BABAM2: variants seen among roughly 807,000 people sequenced by gnomAD.
BABAM2 encodes BRISC and BRCA1 A complex member 2.
In BABAM2, 31 loss-of-function variants were observed where a neutral mutation model predicts 54.7. The ratio of observed to expected loss-of-function variants is 0.57; its 90% CI spans 0.43 to 0.77. BABAM2 has a LOEUF of 0.77. Ranked by LOEUF, BABAM2 falls within the 30% of genes least tolerant of loss-of-function variation. BABAM2 has a pLI of 0.00. For synonymous variants in BABAM2, 167 were observed against 162.9 expected, an observed-to-expected ratio of 1.03 and a Z score of -0.19; for missense variants, 364 against 455.8, an observed-to-expected ratio of 0.80 and a Z score of 1.83.
At position 27,928,915 on chromosome 2, in the gene BABAM2, TA is replaced by T. The variant is rs1008932898; in HGVS notation, c.129-904del. On this transcript the variant is annotated intron_variant, in intron 2 of 11. Transcript: ENST00000379624. ...TGTATAACTTTGTGAAATAATAGATTAAAAAAAAAAAAACCAGGCCAGGTGC... is the reference window on the plus strand; with the variant it reads ...TGTATAACTTTGTGAAATAATAGATTAAAAAAAAAAAACCAGGCCAGGTGC... Among the ~76,000 whole-genome samples the T allele has an allele frequency of 4.4e-3, 623 of 141,024 alleles. 6 individuals are homozygous for T. The Middle Eastern group carries it at 0.055, about 12-fold the overall frequency. 92.5% of individuals were successfully genotyped at this position (141,024 alleles called of 152,430 possible).
At chr2:28,188,405 T>C (rs1676550605) in intron 7 of BABAM2, among the ~76,000 whole-genome samples, 1 of 152,068 alleles carries the variant, frequency 6.6e-6, no homozygotes, top group Admixed American at 6.6e-5. Context: ...TGAAAACAAG[T>C]TGGTTATATT....
chr2:27,906,538 C>T (rs568703948), intron 2 of BABAM2, among the ~76,000 whole-genome samples: 24 of 152,078 alleles, frequency 1.6e-4, no homozygotes, highest in Admixed American at 8.5e-4. Flanking sequence ...TGGCCTTAAC[C>T]CAATGAAGTC....
chr2:28,208,544 T>A (rs1443276091), intron 7 of BABAM2, among the ~76,000 whole-genome samples: 3 of 152,230 alleles, frequency 2.0e-5, no homozygotes, highest in African/African-American at 7.2e-5. Flanking sequence ...CTTCCTTTAT[T>A]GTACCTTTCC....
intron 4 of BABAM2, among the ~76,000 whole-genome samples, chr2:27,994,461 G>A (rs1369360537): frequency 6.6e-6 from 1 of 152,082 alleles, no homozygotes. Flanking sequence ...CCTCACTCAT[G>A]TCCTGTTCCA....
intron 3 of BABAM2, among the ~76,000 whole-genome samples, chr2:27,987,081 C>G (rs1344510873): frequency 6.6e-6 from 1 of 152,138 alleles, no homozygotes; most frequent in Non-Finnish European, 1.5e-5. Flanking sequence ...ATATGCTGGA[C>G]ACTGCTAGGC....
At chr2:27,926,605 A>G (rs1016656618) in intron 2 of BABAM2, among the ~76,000 whole-genome samples, 10 of 152,224 alleles carry the variant, frequency 6.6e-5, no homozygotes, top group African/African-American at 2.4e-4. Flanking sequence ...ATCCTAAACC[A>G]TCTTTATGTG....
At position 27,973,466 on chromosome 2, in the gene BABAM2, T is replaced by A. The variant is rs563328588; in HGVS notation, c.206-14527T>A. Among the ~76,000 whole-genome samples, 92 of 151,960 alleles carry A rather than the reference T, an allele frequency of 6.1e-4. No homozygotes were observed. In the Middle Eastern group the frequency reaches 0.01, roughly 17 times the overall value. Reference sequence around the variant, plus strand: ...TTTTCCCCACCAACTCTTCTGTCCCTAAGGCAGGCAAGCTCTAGTGATGAA... The same window carrying A: ...TTTTCCCCACCAACTCTTCTGTCCCAAAGGCAGGCAAGCTCTAGTGATGAA... On this transcript the variant is annotated intron_variant, in intron 3 of 11. Transcript: ENST00000379624.
intron 7 of BABAM2, among the ~76,000 whole-genome samples, chr2:28,213,242 A>T (rs1046196113): frequency 2.6e-5 from 4 of 151,952 alleles, no homozygotes; most frequent in Non-Finnish European, 4.4e-5. Flanking sequence ...AAAAAAAATT[A>T]AAAAATTATT....
chr2:27,950,467 G>C (rs1045798057), intron 3 of BABAM2, among the ~76,000 whole-genome samples: 1 of 151,930 alleles, frequency 6.6e-6, no homozygotes. Context: ...ATTGAATTTT[G>C]AATATTCAGT....
At chr2:27,966,230 T>C (rs1339875906) in intron 3 of BABAM2, among the ~76,000 whole-genome samples, 1 of 152,242 alleles carries the variant, frequency 6.6e-6, no homozygotes, top group African/African-American at 2.4e-5. Flanking sequence ...CTTCATTTAT[T>C]AGTTGGAATA....
At chr2:28,149,705 T>C (rs1671839167) in intron 7 of BABAM2, among the ~76,000 whole-genome samples, 1 of 152,162 alleles carries the variant, frequency 6.6e-6, no homozygotes, top group Non-Finnish European at 1.5e-5. Context: ...GATGGGTGGT[T>C]GTTAGCTGTC....
intron 3 of BABAM2, among the ~76,000 whole-genome samples, chr2:27,979,308 A>G (rs1671835004): frequency 6.6e-6 from 1 of 151,874 alleles, no homozygotes; most frequent in Non-Finnish European, 1.5e-5. Flanking sequence ...TGCTGAGATT[A>G]CAGGTGTGAG....
chr2:28,068,347 A>G (rs1349485887), intron 6 of BABAM2, among the ~76,000 whole-genome samples: 2 of 152,224 alleles, frequency 1.3e-5, no homozygotes, highest in East Asian at 3.8e-4. Flanking sequence ...GAATCAAAGC[A>G]TGCAGTATAA....
chr2:28,198,199 A>T (rs374520700), intron 7 of BABAM2, among the ~76,000 whole-genome samples: 65 of 151,302 alleles, frequency 4.3e-4, no homozygotes, highest in African/African-American at 1.5e-3. Context: ...TCGCTCTGTC[A>T]CCCAGGCTGG....
intron 7 of BABAM2, among the ~76,000 whole-genome samples, chr2:28,198,731 A>C (rs566181952): frequency 6.6e-6 from 1 of 152,186 alleles, no homozygotes; most frequent in Non-Finnish European, 1.5e-5. Flanking sequence ...CACTAATATC[A>C]GTGTTACTTC....
chr2:28,228,649 G>A (rs562759832), intron 7 of BABAM2, among the ~76,000 whole-genome samples: 5 of 152,040 alleles, frequency 3.3e-5, no homozygotes, highest in African/African-American at 1.2e-4. Flanking sequence ...GAATCAAGAT[G>A]CAACAAGAGA....
chr2:28,054,125 T>C (rs935023876), intron 6 of BABAM2, among the ~76,000 whole-genome samples: 5 of 152,078 alleles, frequency 3.3e-5, no homozygotes, highest in African/African-American at 7.2e-5. Context: ...CAGTAGTTTG[T>C]GGATCCCTTT....
intron 7 of BABAM2, among the ~76,000 whole-genome samples, chr2:28,183,673 A>G (rs564917645): frequency 6.6e-6 from 1 of 151,228 alleles, no homozygotes; most frequent in Non-Finnish European, 1.5e-5. Context: ...TAGAATTCTT[A>G]CATAGATTTT....
At chr2:28,101,643 C>T (rs2148709218) in intron 6 of BABAM2, among the ~76,000 whole-genome samples, 1 of 152,218 alleles carries the variant, frequency 6.6e-6, no homozygotes, top group South Asian at 2.1e-4. Context: ...TATAGTAAGC[C>T]ATACAGTTGT....
Sources: allele counts gnomAD v4.1 joint callset (sites outside exome capture counted in the v4.1 genomes callset), GRCh38; gene constraint gnomAD v4.1.1; transcripts MANE v1.5; gene names NCBI Gene and HGNC (gene_info 2026-07-23, HGNC 2026-07-21).